Variants in PRPF8 observed in about 807,000 individuals in gnomAD.
PRPF8 encodes pre-mRNA-processing-splicing factor 8.
In PRPF8, 64 loss-of-function variants were observed where a neutral mutation model predicts 285.9. That is an observed-to-expected ratio of 0.22 (90% CI 0.18 to 0.28). The LOEUF (loss-of-function observed/expected upper bound fraction) is 0.28. Among genes scored for constraint, PRPF8 ranks in the 10% least tolerant of loss-of-function variants. The pLI is 1.00. For missense variants in PRPF8, 1,426 were observed against 3,026.7 expected, an observed-to-expected ratio of 0.47 and a Z score of 12.41; for synonymous variants, 1,325 against 1,118.2, an observed-to-expected ratio of 1.18 and a Z score of -3.69.
intron 29 of PRPF8, 53 bp downstream of exon 29, chr17:1,660,645 C>G (rs1911634262): frequency 6.2e-7 from 1 of 1,614,100 alleles, no homozygotes; most frequent in South Asian, 1.1e-5. Flanking sequence ...ATAACCAAGG[C>G]AAGAAGCAGC....
intron 37 of PRPF8, 72 bp from the exon 38 acceptor site, chr17:1,654,088 G>T (rs1185336719): frequency 1.2e-6 from 2 of 1,609,982 alleles, no homozygotes; most frequent in Non-Finnish European, 1.7e-6. Flanking sequence ...TGGAAAGGGT[G>T]TAACTTGGTA....
chr17:1,655,593 C>T (rs1216356343), intron 36 of PRPF8, 50 bp from the exon 37 acceptor site: 1 of 1,465,040 alleles, frequency 6.8e-7, no homozygotes, highest in South Asian at 1.1e-5. Context: ...TGAGGCTCTC[C>T]CACTTTAATC....
In PRPF8 at chr17:1,675,462, C is replaced by CT; in HGVS notation, c.2873-124dup. The CT allele has an allele frequency of 3.4e-6, 5 of 1,451,624 alleles. No homozygotes were observed. The highest frequency in any genetic ancestry group is 4.8e-6 in the Non-Finnish European group (5 of 1,037,384). The allele number at this position is 1,451,624 out of a possible 1,614,324, so 89.9% of individuals were successfully genotyped here. A position where few individuals can be genotyped will look rare whatever the true frequency, so the allele number is the denominator to read the frequency against. ...TGATTCCACGTATTCATTTGGATTGCTTTGACTATGGGCTTTTCCTCAGTT... is the reference window on the plus strand; with the variant it reads ...TGATTCCACGTATTCATTTGGATTGCTTTTGACTATGGGCTTTTCCTCAGTT... On this transcript the variant is annotated intron_variant, in intron 19 of 42. Coordinates refer to ENST00000304992, the MANE Select transcript of PRPF8 (RefSeq NM_006445.4). This position sits in a 1 kb window ranked among gnomAD's most constrained non-coding sequence, Gnocchi z 6.0.
Position 1,653,386 on chromosome 17 carries a change from G to A in PRPF8, c.6369+156C>T. The A allele has an allele frequency of 5.8e-6, 6 of 1,037,586 alleles. No homozygotes were observed. The highest frequency in any genetic ancestry group is 8.7e-6 in the Non-Finnish European group (6 of 687,278). The allele number at this position is 1,037,586 out of a possible 1,614,324, so 64.3% of individuals were successfully genotyped here. A position where few individuals can be genotyped will look rare whatever the true frequency, so the allele number is the denominator to read the frequency against. Reference sequence around the variant, plus strand: ...GCCACAGCTTTTGCTATCTCATGGGGCCAAAACCCACCTCGTTGTTTTGGC... The same window carrying A: ...GCCACAGCTTTTGCTATCTCATGGGACCAAAACCCACCTCGTTGTTTTGGC... On this transcript the variant is annotated intron_variant, in intron 39 of 42. Coordinates refer to ENST00000304992, the MANE Select transcript of PRPF8 (RefSeq NM_006445.4). The surrounding 1 kb of genome is among the most constrained non-coding windows in gnomAD (Gnocchi z 4.9).
Position 1,659,301 on chromosome 17 carries a change from C to T in PRPF8, c.5138+56G>A. 1.3e-6 allele frequency: 2 copies of T among 1,598,692 alleles called. No individual in the cohort carries two copies. The highest frequency in any genetic ancestry group is 1.1e-5 in the South Asian group (1 of 90,672). On this transcript the variant is annotated intron_variant, in intron 32 of 42. Transcript: ENST00000304992. This position sits in a 1 kb window ranked among gnomAD's most constrained non-coding sequence, Gnocchi z 5.1. The stretch of plus-strand genomic sequence containing the variant: ...GCGGCCTCCCAAAGTGCTGGGATTA[C>T]AGGTGTGAGCCACTGCGCCTGGCCT...
At position 1,677,045 on chromosome 17, in the gene PRPF8, G is replaced by A. The variant is rs1187851870; in HGVS notation, c.2112C>T (p.Asn704=). 1 of 1,614,024 alleles carries A rather than the reference G, an allele frequency of 6.2e-7. No individual in the cohort carries two copies. The highest frequency in any genetic ancestry group is 8.5e-7 in the Non-Finnish European group (1 of 1,180,014). Residue 704 remains asparagine (N), a synonymous_variant, in exon 15 of 43, where the codon AAC becomes AAT. Transcript: ENST00000304992. ...GGTGCTGCAGGATTGTCCGGGCCTT[G>A]TTCTGCTTGATCCCCTCAGGCATCA... ...LDMMPEGIKQ[N]KARTILQHLS... is the part of the protein sequence containing the mutation.
intron 34 of PRPF8, among the ~76,000 whole-genome samples, chr17:1,657,716 A>G (rs1911466413): frequency 7.3e-6 from 1 of 137,514 alleles, no homozygotes; most frequent in East Asian, 1.9e-4. Flanking sequence ...TAATCCGAGC[A>G]CTTTGGGAGG....
At position 1,655,789 on chromosome 17, in the gene PRPF8, G is replaced by T. The variant is rs145633935; in HGVS notation, c.5794-246C>A. Among the ~76,000 whole-genome samples the T allele has an allele frequency of 7.7e-3, 1,168 of 152,016 alleles. 21 individuals carry two copies. The highest frequency in any genetic ancestry group is 0.027 in the African/African-American group (1,120 of 41,440). ...TGACAGGCACCTGCCACCACGCCCGGCTAATTTTTTGTATTTTTAGTAGAG... is the reference window on the plus strand; with the variant it reads ...TGACAGGCACCTGCCACCACGCCCGTCTAATTTTTTGTATTTTTAGTAGAG... On this transcript the variant is annotated intron_variant, in intron 36 of 42. Coordinates refer to ENST00000304992, the MANE Select transcript of PRPF8 (RefSeq NM_006445.4).
Position 1,675,453 on chromosome 17 carries a change from T to G in PRPF8, c.2873-114A>C, listed in dbSNP as rs1235039071. 1.4e-5 allele frequency: 20 copies of G among 1,447,436 alleles called. No individual in the cohort carries two copies. The highest frequency in any genetic ancestry group is 1.8e-5 in the Non-Finnish European group (19 of 1,033,282). 89.7% of individuals were successfully genotyped at this position (1,447,436 alleles called of 1,614,324 possible). On this transcript the variant is annotated intron_variant, in intron 19 of 42. Coordinates refer to ENST00000304992, the MANE Select transcript of PRPF8 (RefSeq NM_006445.4). This position sits in a 1 kb window ranked among gnomAD's most constrained non-coding sequence, Gnocchi z 6.0. Reference sequence around the variant, plus strand: ...ATCCCACTATGATTCCACGTATTCATTTGGATTGCTTTGACTATGGGCTTT... The same window carrying G: ...ATCCCACTATGATTCCACGTATTCAGTTGGATTGCTTTGACTATGGGCTTT...
At chr17:1,668,306 GCT>G (rs1364214001) in intron 24 of PRPF8, among the ~76,000 whole-genome samples, 1 of 149,434 alleles carries the variant, frequency 6.7e-6, no homozygotes, top group Non-Finnish European at 1.5e-5. Context: ...GGCCTCTTCT[GCT>G]CTCTCTCCTC....
chr17:1,662,167 A>G lies in PRPF8; in HGVS notation c.3775-14T>C, dbSNP rs3814969. ...CTTATTCACAATCTAAAGGTAGTAG[A>G]AAAAAAAGTAAATTACAGATGAGCC... is the stretch of plus-strand genomic sequence containing the variant. On this transcript the variant is annotated splice_polypyrimidine_tract_variant and intron_variant, in intron 24 of 42. Coordinates refer to ENST00000304992, the MANE Select transcript of PRPF8 (RefSeq NM_006445.4). 0.052 allele frequency: 84,066 copies of G among 1,613,466 alleles called. 12,035 individuals are homozygous for G. In the African/African-American group the frequency reaches 0.53, roughly 10 times the overall value.
chr17:1,653,632 T>C lies in PRPF8; in HGVS notation c.6279A>G (p.Ser2093=). 1 of 1,614,168 alleles carries C rather than the reference T, an allele frequency of 6.2e-7. No homozygotes were observed. The highest frequency in any genetic ancestry group is 8.5e-7 in the Non-Finnish European group (1 of 1,180,028). Residue 2093 remains serine, a synonymous_variant, in exon 39 of 43, where the codon TCA becomes TCG. Coordinates refer to ENST00000304992, the MANE Select transcript of PRPF8 (RefSeq NM_006445.4). The surrounding 1 kb of genome is among the most constrained non-coding windows in gnomAD (Gnocchi z 4.9). The stretch of plus-strand genomic sequence containing the variant: ...AGCCAGTCTCCTTGATGTCGTCAGA[T>C]GAAACATAGATGTGATTGGTCCTTA... The part of the protein sequence containing the change: ...LHLRTNHIYV[S]SDDIKETGYT...
In PRPF8 at chr17:1,679,353, C is replaced by T; in HGVS notation, c.1347G>A (p.Lys449=). 3.7e-6 allele frequency: 6 copies of T among 1,614,028 alleles called. No individual in the cohort carries two copies. Among genetic ancestry groups the T allele is most frequent in the Non-Finnish European group, 4.2e-6 (5 of 1,180,034 alleles). ...QPVKVRVSYQ[K]LLKYYVLNAL... ...CATTCAGCACATAGTACTTAAGCAG[C>T]TTCTGGTAGGAGACCCTCACTTTCA... is the stretch of plus-strand genomic sequence containing the variant. Residue 449 remains lysine (K), a synonymous_variant, in exon 10 of 43, where the codon AAG becomes AAA. Transcript: ENST00000304992. This position sits in a 1 kb window ranked among gnomAD's most constrained non-coding sequence, Gnocchi z 4.7.
chr17:1,677,474 T>C (rs1431668625), intron 14 of PRPF8, 91 bp downstream of exon 14: 1 of 1,573,628 alleles, frequency 6.4e-7, no homozygotes, highest in Admixed American at 1.7e-5. Flanking sequence ...GTAGGAAGAG[T>C]GCTCATACAA....
At chr17:1,664,910 C>G (rs1333782727) in intron 24 of PRPF8, among the ~76,000 whole-genome samples, 1 of 152,002 alleles carries the variant, frequency 6.6e-6, no homozygotes, top group African/African-American at 2.4e-5. Context: ...GTAAGCCCAG[C>G]ACTTTGGGAA....
rs2034346745 is a variant in PRPF8, at chr17:1,676,873, AG to A, written c.2181+102del. On this transcript the variant is annotated intron_variant, in intron 15 of 42. Coordinates refer to ENST00000304992, the MANE Select transcript of PRPF8 (RefSeq NM_006445.4). The surrounding 1 kb of genome is among the most constrained non-coding windows in gnomAD (Gnocchi z 6.3). The stretch of plus-strand genomic sequence containing the variant: ...TTCTTTTCCCTGTCTAAAAGGGAAA[AG>A]AAAAGAGATTGGAGCCAGATAGCCC... 2.0e-6 allele frequency: 3 copies of A among 1,514,530 alleles called. No individual in the cohort carries two copies. The highest frequency in any genetic ancestry group is 2.7e-6 in the Non-Finnish European group (3 of 1,100,442). 93.8% of individuals were successfully genotyped at this position (1,514,530 alleles called of 1,614,324 possible).
At position 1,673,687 on chromosome 17, in the gene PRPF8, C is replaced by T; in HGVS notation, c.3446+59G>A. ...CACCCAGGACGCAGCCTCAGGTATG[C>T]CCTCTCTGGGCCCTTAGCTTATGTC... On this transcript the variant is annotated intron_variant, in intron 22 of 42. Coordinates refer to ENST00000304992, the MANE Select transcript of PRPF8 (RefSeq NM_006445.4). This position sits in a 1 kb window ranked among gnomAD's most constrained non-coding sequence, Gnocchi z 5.5. 6.2e-7 allele frequency: 1 copy of T among 1,612,654 alleles called. No individual in the cohort carries two copies.
chr17:1,666,428 G>A (rs780127320), intron 24 of PRPF8, among the ~76,000 whole-genome samples: 8 of 152,032 alleles, frequency 5.3e-5, no homozygotes, highest in Non-Finnish European at 1.2e-4. Context: ...GCATGTGCCT[G>A]TGGTCCCAGC....
At chr17:1,677,377 T>C (rs113624826) in intron 14 of PRPF8, 188 bp downstream of exon 14, 10 of 981,164 alleles carry the variant, frequency 1.0e-5, no homozygotes, top group African/African-American at 6.5e-5. Context: ...TGCAAATGCA[T>C]GACTGCCTCT....
Sources: gnomAD v4.1 joint callset for allele counts (sites outside exome capture counted in the v4.1 genomes callset) on GRCh38, gnomAD v4.1.1 for gene constraint, Gnocchi (gnomAD v3.1) non-coding constraint, MANE v1.5 for transcripts, NCBI Gene and HGNC (gene_info 2026-07-23, HGNC 2026-07-21) for gene names.